The following VWA8 variants were observed in gnomAD, a reference collection of about 807,000 sequenced individuals.
The protein encoded by VWA8 is von Willebrand factor A domain containing 8.
Under a neutral mutation model 241.5 loss-of-function variants are expected in VWA8, and 221 were observed. The ratio of observed to expected loss-of-function variants is 0.91; its 90% CI spans 0.82 to 1.02. VWA8 has a LOEUF of 1.02. VWA8 is among the 50% of genes least tolerant of loss of function. VWA8 has a pLI of 0.00. For synonymous variants in VWA8, 852 were observed against 827.1 expected (o/e 1.03, Z -0.52); for missense variants, 2,322 against 2,328.7 (o/e 1.00, Z 0.06).
chr13:41,778,797 C>T (rs1034226003), intron 19 of VWA8, among the ~76,000 whole-genome samples: 3 of 149,464 alleles, frequency 2.0e-5, no homozygotes, highest in Admixed American at 6.7e-5. Context: ...CCTTTTGCAT[C>T]CAACACATGC....
At position 41,575,806 on chromosome 13, in the gene VWA8, G is replaced by A. The variant is rs779486786; in HGVS notation, c.5304C>T (p.Tyr1768=). 1.9e-6 allele frequency: 3 copies of A among 1,613,152 alleles called. No homozygotes were observed. The South Asian group carries it at 3.3e-5, about 18-fold the overall frequency. The change falls in exon 43 of 45, where the codon TAC becomes TAT. Residue 1768 remains tyrosine, a synonymous_variant. Coordinates refer to ENST00000379310, the MANE Select transcript of VWA8 (RefSeq NM_015058.2). ...TGTTCATTGGAACCAGACCAATGTT[G>A]TAGCCATCTCCAGAGTGTCCAACGA... ...YDIVGHSGDG[Y]NIGLVPMNKI...
At chr13:41,653,969 G>C (rs1463072361) in intron 37 of VWA8, among the ~76,000 whole-genome samples, 1 of 152,042 alleles carries the variant, frequency 6.6e-6, no homozygotes, top group African/African-American at 2.4e-5. Context: ...AAGAAAACTA[G>C]GAAATACCAT....
chr13:41,739,220 G>A (rs531339592), intron 21 of VWA8, among the ~76,000 whole-genome samples: 182 of 152,222 alleles, frequency 1.2e-3, no homozygotes, highest in African/African-American at 3.6e-3. Context: ...CTTTAGTACA[G>A]TACTCAATTT....
chr13:41,869,289 T>C (rs1873469499), intron 9 of VWA8, among the ~76,000 whole-genome samples: 1 of 152,124 alleles, frequency 6.6e-6, no homozygotes, highest in Non-Finnish European at 1.5e-5. Flanking sequence ...CAGCATATGG[T>C]ACAGTGCTTT....
At chr13:41,591,593 T>G (rs2044455008) in intron 40 of VWA8, among the ~76,000 whole-genome samples, 2 of 152,092 alleles carry the variant, frequency 1.3e-5, no homozygotes, top group Admixed American at 6.5e-5. Flanking sequence ...ATCCAGAATC[T>G]ACAATGAACT....
intron 37 of VWA8, among the ~76,000 whole-genome samples, chr13:41,621,979 G>A (rs1425658259): frequency 1.3e-5 from 2 of 152,110 alleles, no homozygotes; most frequent in South Asian, 2.1e-4. Context: ...TTTCAAAATC[G>A]ACAAATTCTT....
At chr13:41,586,898 G>A (rs905164236) in intron 42 of VWA8, among the ~76,000 whole-genome samples, 2 of 152,178 alleles carry the variant, frequency 1.3e-5, no homozygotes, top group Non-Finnish European at 2.9e-5. Flanking sequence ...AAGTGCAGGT[G>A]CTCTCTGTGG....
chr13:41,583,527 T>C (rs1380075746), intron 42 of VWA8, among the ~76,000 whole-genome samples: 2 of 150,590 alleles, frequency 1.3e-5, no homozygotes, highest in Non-Finnish European at 2.9e-5. Flanking sequence ...CCTGTAGTCC[T>C]AGGTACTCGG....
chr13:41,738,246 A>G (rs2137874022), intron 21 of VWA8, among the ~76,000 whole-genome samples: 2 of 152,304 alleles, frequency 1.3e-5, no homozygotes, highest in Middle Eastern at 6.8e-3. Flanking sequence ...TTTATTTAGT[A>G]GTCAATCACT....
chr13:41,918,828 T>C (rs1284153105), intron 2 of VWA8, among the ~76,000 whole-genome samples: 1 of 152,168 alleles, frequency 6.6e-6, no homozygotes. Flanking sequence ...ATATACATAG[T>C]CATTTTTTAA....
intron 12 of VWA8, among the ~76,000 whole-genome samples, chr13:41,850,347 G>A (rs1383442459): frequency 6.6e-6 from 1 of 152,034 alleles, no homozygotes; most frequent in Non-Finnish European, 1.5e-5. Context: ...GTTCCCTGTG[G>A]ACCCAGTCAC....
intron 12 of VWA8, among the ~76,000 whole-genome samples, chr13:41,858,141 C>G (rs1191992896): frequency 1.3e-5 from 2 of 152,142 alleles, no homozygotes; most frequent in Non-Finnish European, 1.5e-5. Flanking sequence ...GAGTTCTCAG[C>G]CTCCATAATC....
chr13:41,703,845 T>C (rs1037053100), intron 26 of VWA8, among the ~76,000 whole-genome samples: 1 of 151,598 alleles, frequency 6.6e-6, no homozygotes, highest in Admixed American at 6.6e-5. Flanking sequence ...TTGTGTGATA[T>C]CGGCTCACCA....
At chr13:41,772,806 T>C (rs2045834508) in intron 20 of VWA8, among the ~76,000 whole-genome samples, 1 of 152,228 alleles carries the variant, frequency 6.6e-6, no homozygotes, top group South Asian at 2.1e-4. Context: ...ATGTAAAATC[T>C]TTTCTAGTAT....
At chr13:41,871,005 T>C (rs572140718) in intron 9 of VWA8, among the ~76,000 whole-genome samples, 2 of 152,262 alleles carry the variant, frequency 1.3e-5, no homozygotes, top group East Asian at 3.9e-4. Flanking sequence ...ATATTCTCTA[T>C]CTCCAACTCC....
At chr13:41,724,635 C>T (rs1436703545) in intron 24 of VWA8, among the ~76,000 whole-genome samples, 1 of 152,054 alleles carries the variant, frequency 6.6e-6, no homozygotes, top group East Asian at 1.9e-4. Flanking sequence ...TAATTGCTTT[C>T]GTTTTTCTCA....
At chr13:41,644,970 G>A (rs2044821488) in intron 37 of VWA8, among the ~76,000 whole-genome samples, 1 of 152,172 alleles carries the variant, frequency 6.6e-6, no homozygotes, top group Admixed American at 6.5e-5. Context: ...ACTATGTTAA[G>A]TGAGGACTCA....
intron 20 of VWA8, among the ~76,000 whole-genome samples, chr13:41,776,750 A>ATTTTGCC (rs1868614171): frequency 1.3e-5 from 2 of 152,132 alleles, no homozygotes; most frequent in Admixed American, 6.5e-5. Flanking sequence ...CCTTAGTAAG[A>ATTTTGCC]TAAGCAATTT....
rs753192768 is a variant in VWA8, at chr13:41,611,562, A to G, written c.4877+14T>C. 6.2e-7 allele frequency: 1 copy of G among 1,613,590 alleles called. No homozygotes were observed. The highest frequency in any genetic ancestry group is 1.1e-5 in the South Asian group (1 of 91,006). The stretch of plus-strand genomic sequence containing the variant: ...TAGCAGTAGTGCTGGTCTAAATGTG[A>G]TGGGAGCACTGACCTCTGCTGGAAT... On this transcript the variant is annotated intron_variant, in intron 39 of 44. Transcript: ENST00000379310.
Sources: allele counts gnomAD v4.1 joint callset (sites outside exome capture counted in the v4.1 genomes callset), GRCh38; gene constraint gnomAD v4.1.1; transcripts MANE v1.5; gene names NCBI Gene and HGNC (gene_info 2026-07-23, HGNC 2026-07-21).